ZNF282: variants seen among roughly 807,000 people sequenced by gnomAD.
ZNF282 encodes the protein HTLV-I U5 repressive element-binding protein 1.
A neutral mutation model predicts 61.9 loss-of-function variants in ZNF282; 30 were observed. The ratio of observed to expected loss-of-function variants is 0.48; its 90% CI spans 0.36 to 0.66. ZNF282 has a LOEUF of 0.66. Ranked by LOEUF, ZNF282 falls within the 30% of genes least tolerant of loss-of-function variation. ZNF282 has a pLI of 0.00. For synonymous variants in ZNF282, 396 were observed against 405.0 expected (o/e 0.98, Z 0.27); for missense variants, 788 against 941.4 (o/e 0.84, Z 2.13).
chr7:149,219,377 T>G (rs1177565384), intron 7 of ZNF282, among the ~76,000 whole-genome samples: 1 of 152,164 alleles, frequency 6.6e-6, no homozygotes, highest in Non-Finnish European at 1.5e-5. Context: ...ATTAAAGAGA[T>G]CTTAGCTCTG....
intron 7 of ZNF282, among the ~76,000 whole-genome samples, chr7:149,222,485 G>A (rs969935276): frequency 2.6e-5 from 4 of 152,120 alleles, no homozygotes; most frequent in African/African-American, 9.7e-5. Context: ...AGACTGTCCT[G>A]AGATAAAAGT....
chr7:149,195,646 G>T lies in ZNF282; in HGVS notation c.57G>T (p.Gly19=), dbSNP rs745613131. Residue 19 remains glycine, a synonymous_variant, in exon 1 of 8, where the codon GGG becomes GGT. Coordinates refer to ENST00000610704, the MANE Select transcript of ZNF282 (RefSeq NM_003575.4). ...QPQQLGIQGL[G]LDSGSWSWAQ... The stretch of plus-strand genomic sequence containing the variant: ...AGCAGCTGGGCATCCAGGGCCTGGG[G>T]CTGGACAGCGGGAGCTGGAGCTGGG... 8 of 1,606,370 alleles carry T rather than the reference G, an allele frequency of 5.0e-6. No homozygotes were observed. The highest frequency in any genetic ancestry group is 1.1e-5 in the South Asian group (1 of 90,050).
At chr7:149,219,022 G>A (rs768528312) in intron 7 of ZNF282, among the ~76,000 whole-genome samples, 3 of 152,186 alleles carry the variant, frequency 2.0e-5, no homozygotes, top group African/African-American at 4.8e-5. Context: ...GAGCTTTGGC[G>A]TTCCGAGTTT....
At position 149,199,464 on chromosome 7, in the gene ZNF282, C is replaced by T. The variant is rs73477954; in HGVS notation, c.585+712C>T. On this transcript the variant is annotated intron_variant, in intron 2 of 7. Coordinates refer to ENST00000610704, the MANE Select transcript of ZNF282 (RefSeq NM_003575.4). The stretch of plus-strand genomic sequence containing the variant: ...CTCCTCTGAGTCATCAGCTCTCCCC[C>T]CTCTGCTGGGCTATTCCCACCAGCA... 6.2e-3 allele frequency among the ~76,000 whole-genome samples: 943 copies of T among 152,168 alleles called. 7 individuals carry two copies. The highest frequency in any genetic ancestry group is 0.022 in the African/African-American group (899 of 41,514).
chr7:149,210,463 T>C, intron 4 of ZNF282, 122 bp from the exon 5 acceptor site: 2 of 1,503,068 alleles, frequency 1.3e-6, no homozygotes, highest in Admixed American at 2.1e-5. Context: ...GAGCCCAGAA[T>C]GTCCTGGTGA....
chr7:149,209,496 C>T (rs904168552), intron 4 of ZNF282, among the ~76,000 whole-genome samples: 2 of 152,122 alleles, frequency 1.3e-5, no homozygotes, highest in Non-Finnish European at 2.9e-5. Context: ...AGGTCAGCAG[C>T]GGTAGTAACA....
chr7:149,215,733 G>T (rs1241537619), intron 7 of ZNF282, among the ~76,000 whole-genome samples: 2 of 152,216 alleles, frequency 1.3e-5, no homozygotes, highest in African/African-American at 2.4e-5. Context: ...TGCTGGCTTG[G>T]TGGGATGAGA....
chr7:149,224,773 GTCCCCCAGGGTGGGGCAGGGA>G lies in ZNF282; in HGVS notation c.*135_*155del, dbSNP rs1189385897. 5 of 1,403,454 alleles carry G rather than the reference GTCCCCCAGGGTGGGGCAGGGA, an allele frequency of 3.6e-6. No homozygotes were observed. The highest frequency in any genetic ancestry group is 4.7e-6 in the Non-Finnish European group (5 of 1,071,538). The allele number at this position is 1,403,454 out of a possible 1,614,324, so 86.9% of individuals were successfully genotyped here. On this transcript the variant is annotated 3_prime_UTR_variant, in exon 8 of 8. Coordinates refer to ENST00000610704, the MANE Select transcript of ZNF282 (RefSeq NM_003575.4). ...AACAGGCATTGCACTCCGGTTGGGG[GTCCCCCAGGGTGGGGCAGGGA>G]TCCCCCAGATCTGTCTGGTCTGAAT...
rs1279242026 is a variant in ZNF282, at chr7:149,213,684, T to C, written c.1067-17T>C. On this transcript the variant is annotated splice_polypyrimidine_tract_variant and intron_variant, in intron 6 of 7. Coordinates refer to ENST00000610704, the MANE Select transcript of ZNF282 (RefSeq NM_003575.4). ...AACTGAACAAAATCTAAGACTGCCT[T>C]CTTTCCATGACAACAGAGTCTCTCA... is the stretch of plus-strand genomic sequence containing the variant. 1 of 1,600,268 alleles carries C rather than the reference T, an allele frequency of 6.2e-7. No individual in the cohort carries two copies. The highest frequency in any genetic ancestry group is 1.7e-5 in the Admixed American group (1 of 59,642).
Position 149,195,548 on chromosome 7 carries a change from T to A in ZNF282, c.-42T>A, listed in dbSNP as rs1378140156. ...GGGGAAGGCGCCTGGAAAACGTTCT[T>A]CTTCTCCCTGGCCGACCCGAGCGGG... On this transcript the variant is annotated 5_prime_UTR_variant, in exon 1 of 8. Coordinates refer to ENST00000610704, the MANE Select transcript of ZNF282 (RefSeq NM_003575.4). 1 of 1,599,326 alleles carries A rather than the reference T, an allele frequency of 6.3e-7. No homozygotes were observed. Among genetic ancestry groups the A allele is most frequent in the Non-Finnish European group, 8.5e-7 (1 of 1,174,612 alleles).
Position 149,224,229 on chromosome 7 carries a change from T to G in ZNF282, c.1598T>G (p.Leu533Arg). 1 of 1,611,176 alleles carries G rather than the reference T, an allele frequency of 6.2e-7. No homozygotes were observed. The highest frequency in any genetic ancestry group is 8.5e-7 in the Non-Finnish European group (1 of 1,179,806). The change falls in exon 8 of 8, where the codon CTC becomes CGC. Residue 533 changes from leucine (L) to arginine (R), a missense_variant. By Grantham distance (102) the Leu-to-Arg change is moderately radical. Around this residue, in one of 3 missense-constraint regions of ZNF282, gnomAD observed 559 missense variants for 642.0 expected, o/e 0.87. Coordinates refer to ENST00000610704, the MANE Select transcript of ZNF282 (RefSeq NM_003575.4). ...CGKSFGVRKS[L>R]IIHHRSHTKE... is the part of the protein sequence containing the mutation. ...AAGAGCTTCGGCGTGCGCAAGAGCC[T>G]CATCATCCACCACCGCAGCCACACC...
chr7:149,218,519 C>T, intron 7 of ZNF282, among the ~76,000 whole-genome samples: 1 of 152,122 alleles, frequency 6.6e-6, no homozygotes, highest in East Asian at 1.9e-4. Flanking sequence ...AGGTGACACT[C>T]AAGTAGCAGA....
At chr7:149,214,249 T>C (rs1235939197) in intron 7 of ZNF282, among the ~76,000 whole-genome samples, 2 of 152,166 alleles carry the variant, frequency 1.3e-5, no homozygotes, top group Non-Finnish European at 2.9e-5. Flanking sequence ...TGTTCCCTTG[T>C]GTCTGTCCTC....
At chr7:149,209,825 G>A (rs1477640998) in intron 4 of ZNF282, among the ~76,000 whole-genome samples, 1 of 152,168 alleles carries the variant, frequency 6.6e-6, no homozygotes, top group Non-Finnish European at 1.5e-5. Flanking sequence ...TAGAGGCTAT[G>A]TCCTTGTCTT....
chr7:149,209,056 C>T (rs1796041738), intron 4 of ZNF282, among the ~76,000 whole-genome samples: 1 of 147,912 alleles, frequency 6.8e-6, no homozygotes, highest in African/African-American at 2.5e-5. Flanking sequence ...CGGTGGCTCA[C>T]GCCTGTAATC....
At chr7:149,200,554 C>T (rs1234180053) in intron 2 of ZNF282, among the ~76,000 whole-genome samples, 3 of 152,076 alleles carry the variant, frequency 2.0e-5, no homozygotes, top group African/African-American at 7.2e-5. Context: ...TTACTCTCCT[C>T]CCTCATGACT....
rs1318717275 is a variant in ZNF282 at position 149,213,853 on chromosome 7, C to G, written c.1180+39C>G. 6 of 1,497,374 alleles carry G rather than the reference C, an allele frequency of 4.0e-6. No homozygotes were observed. The South Asian group carries it at 6.8e-5, about 17-fold the overall frequency. 92.8% of individuals were successfully genotyped at this position (1,497,374 alleles called of 1,614,324 possible). A position where few individuals can be genotyped will look rare whatever the true frequency, so the allele number is the denominator to read the frequency against. On this transcript the variant is annotated intron_variant, in intron 7 of 7. Transcript: ENST00000610704. ...CCACCTAGACCCTGGGGTTTCTTCTCTGGAGCTGTACAGCTGAGGCGTGGA... is the reference window on the plus strand; with the variant it reads ...CCACCTAGACCCTGGGGTTTCTTCTGTGGAGCTGTACAGCTGAGGCGTGGA...
chr7:149,207,977 G>A (rs1031243809), intron 4 of ZNF282, among the ~76,000 whole-genome samples: 2 of 152,158 alleles, frequency 1.3e-5, no homozygotes, highest in Non-Finnish European at 2.9e-5. Flanking sequence ...AGGAAATCGG[G>A]CCCCCCGAGC....
rs1159037763 is a variant in ZNF282, at chr7:149,198,766, C to T, written c.585+14C>T. The T allele has an allele frequency of 5.0e-6, 8 of 1,607,560 alleles. No homozygotes were observed. The highest frequency in any genetic ancestry group is 6.8e-6 in the Non-Finnish European group (8 of 1,177,120). ...GAGGCCCCCAAGGTATGTGGTGGTC[C>T]CTGGGGCAGGGATAGAGGTGAGGAA... is the stretch of plus-strand genomic sequence containing the variant. On this transcript the variant is annotated intron_variant, in intron 2 of 7. Coordinates refer to ENST00000610704, the MANE Select transcript of ZNF282 (RefSeq NM_003575.4). This position sits in a 1 kb window ranked among gnomAD's most constrained non-coding sequence, Gnocchi z 4.3.
Sources: allele counts gnomAD v4.1 joint callset (sites outside exome capture counted in the v4.1 genomes callset), GRCh38; gene constraint gnomAD v4.1.1; regional missense constraint gnomAD v4.1.1; non-coding constraint Gnocchi (gnomAD v3.1); transcripts MANE v1.5; gene names NCBI Gene and HGNC (gene_info 2026-07-23, HGNC 2026-07-21).